The following WDR19 variants were observed in gnomAD, a reference collection of about 807,000 sequenced individuals.
The protein encoded by WDR19 is WD repeat domain 19, also known as WD repeat-containing protein 19.
Under a neutral mutation model 180.0 loss-of-function variants are expected in WDR19, and 121 were observed. The observed-to-expected ratio is 0.67, with a 90% CI of 0.58 to 0.78. The LOEUF (loss-of-function observed/expected upper bound fraction) is 0.78. Ranked by LOEUF, WDR19 falls within the 30% of genes least tolerant of loss-of-function variation. WDR19 has a pLI of 0.00. For missense variants in WDR19, 1,450 were observed against 1,640.7 expected (o/e 0.88, Z 2.01); for synonymous variants, 497 against 540.7 (o/e 0.92, Z 1.12).
chr4:39,216,824 A>C (rs1729119021), intron 12 of WDR19, among the ~76,000 whole-genome samples: 2 of 152,198 alleles, frequency 1.3e-5, no homozygotes, highest in African/African-American at 4.8e-5. Context: ...CCTGTTAAAC[A>C]GGAAATACCA....
chr4:39,211,925 CAGACAGAGAGAGAGAGAGAGAGAGAGAG>C (rs1728553608), intron 9 of WDR19, among the ~76,000 whole-genome samples: 1 of 117,086 alleles, frequency 8.5e-6, no homozygotes, highest in Non-Finnish European at 1.7e-5. Flanking sequence ...CTAATATAGA[CAGACAGAGAGAGAGAGAGAGAGAGAGAG>C]AGAGAGAGAG....
At chr4:39,245,667 A>T (rs1258736031) in intron 24 of WDR19, among the ~76,000 whole-genome samples, 1 of 152,178 alleles carries the variant, frequency 6.6e-6, no homozygotes, top group East Asian at 1.9e-4. Context: ...ATAGACTATT[A>T]TCTCTTTTTA....
intron 21 of WDR19, 131 bp downstream of exon 21, chr4:39,240,465 C>A: frequency 2.4e-6 from 1 of 411,902 alleles, no homozygotes; most frequent in South Asian, 9.7e-5. Context: ...GGTTTACTAA[C>A]AACCTTGCAA....
intron 14 of WDR19, 56 bp downstream of exon 14, chr4:39,218,161 G>A: frequency 6.4e-7 from 1 of 1,553,970 alleles, no homozygotes; most frequent in Non-Finnish European, 8.7e-7. Context: ...TTTATTTTGT[G>A]ATCTCAGTCA....
intron 24 of WDR19, among the ~76,000 whole-genome samples, chr4:39,248,017 C>T (rs1732720814): frequency 6.6e-6 from 1 of 152,192 alleles, no homozygotes; most frequent in Admixed American, 6.5e-5. Flanking sequence ...CACAAAGATA[C>T]TCCTCGAGAA....
chr4:39,266,397 A>C (rs1448713048), intron 29 of WDR19, among the ~76,000 whole-genome samples: 1 of 152,232 alleles, frequency 6.6e-6, no homozygotes, highest in Admixed American at 6.5e-5. Flanking sequence ...AATCGCAAAA[A>C]AAACTCATAA....
rs1560568002 is a variant in WDR19 at position 39,277,050 on chromosome 4, C to G, written c.3747C>G (p.Ala1249=). 3.1e-6 allele frequency: 5 copies of G among 1,613,844 alleles called. No individual in the cohort carries two copies. Among genetic ancestry groups the G allele is most frequent in the Non-Finnish European group, 4.2e-6 (5 of 1,179,856 alleles). Residue 1249 remains alanine (A), a synonymous_variant, in exon 34 of 37, where the codon GCC becomes GCG. Transcript: ENST00000399820. ...RRPDISEIEE[A]TTPCPFCKFL... is the part of the protein sequence containing the mutation. ...CCGATATATCTGAGATAGAAGAGGC[C>G]ACGACTCCATGTCCATTCTGCAAAT...
chr4:39,249,022 A>T (rs922237267), intron 24 of WDR19, among the ~76,000 whole-genome samples: 10 of 152,194 alleles, frequency 6.6e-5, no homozygotes, highest in Admixed American at 6.5e-4. Context: ...CATCTACAGA[A>T]CTCTCCACCC....
chr4:39,264,019 T>G (rs1488578541), intron 28 of WDR19, among the ~76,000 whole-genome samples: 3 of 152,160 alleles, frequency 2.0e-5, no homozygotes, highest in Non-Finnish European at 4.4e-5. Context: ...TACTTATTGC[T>G]TCTCTGAAAT....
At chr4:39,244,151 C>A in intron 21 of WDR19, 97 bp from the exon 22 acceptor site, 1 of 1,392,340 alleles carries the variant, frequency 7.2e-7, no homozygotes, top group South Asian at 1.8e-5. Flanking sequence ...TAAACCATAA[C>A]CTTTGGACTC....
chr4:39,202,650 C>T (rs1727485121), intron 6 of WDR19, among the ~76,000 whole-genome samples: 1 of 151,744 alleles, frequency 6.6e-6, no homozygotes, highest in South Asian at 2.1e-4. Flanking sequence ...GGGTTCTACC[C>T]TTCAGATACA....
chr4:39,280,665 C>T (rs1198626754), intron 36 of WDR19, among the ~76,000 whole-genome samples: 3 of 151,782 alleles, frequency 2.0e-5, no homozygotes, highest in Non-Finnish European at 4.4e-5. Flanking sequence ...AACCAATCAA[C>T]CATTGTGTAA....
intron 20 of WDR19, among the ~76,000 whole-genome samples, chr4:39,237,129 C>G (rs1307406852): frequency 6.6e-6 from 1 of 152,044 alleles, no homozygotes; most frequent in Non-Finnish European, 1.5e-5. Context: ...AGTCTTTAAA[C>G]AAAGAAAGTA....
chr4:39,282,849 T>G (rs1382104790), intron 36 of WDR19, among the ~76,000 whole-genome samples: 1 of 152,256 alleles, frequency 6.6e-6, no homozygotes, highest in African/African-American at 2.4e-5. Flanking sequence ...TATATTGACC[T>G]TGCATCCTAT....
At chr4:39,272,440 T>C in intron 31 of WDR19, among the ~76,000 whole-genome samples, 1 of 152,182 alleles carries the variant, frequency 6.6e-6, no homozygotes, top group Admixed American at 6.5e-5. Flanking sequence ...TTTGGCCTCC[T>C]TGTCTCACCC....
Position 39,261,977 on chromosome 4 carries a change from A to G in WDR19, c.3184-4086A>G, listed in dbSNP as rs569709896. Among the ~76,000 whole-genome samples the G allele has an allele frequency of 2.8e-4, 43 of 152,202 alleles. 1 individual carries two copies. Among genetic ancestry groups the G allele is most frequent in the African/African-American group, 9.9e-4 (41 of 41,506 alleles). On this transcript the variant is annotated intron_variant, in intron 28 of 36. Transcript: ENST00000399820. ...GCAGCTGCAAGTCATTTTATTCTCA[A>G]GCTGCAAAACCTATAGTGGCTCCCC...
intron 9 of WDR19, among the ~76,000 whole-genome samples, chr4:39,206,812 T>C (rs544007043): frequency 6.6e-6 from 1 of 152,260 alleles, no homozygotes; most frequent in South Asian, 2.1e-4. Flanking sequence ...GCGTTGAAAA[T>C]AGAACTGACA....
At chr4:39,263,318 G>C (rs1734481201) in intron 28 of WDR19, among the ~76,000 whole-genome samples, 1 of 152,110 alleles carries the variant, frequency 6.6e-6, no homozygotes, top group Non-Finnish European at 1.5e-5. Flanking sequence ...TCTCGTCTCA[G>C]TCTTCACCCT....
intron 28 of WDR19, among the ~76,000 whole-genome samples, chr4:39,265,115 C>T (rs963021726): frequency 3.3e-5 from 5 of 151,732 alleles, no homozygotes; most frequent in Non-Finnish European, 7.4e-5. Context: ...GATAGGATCT[C>T]GTCATGTTGG....
Sources: allele counts gnomAD v4.1 joint callset (sites outside exome capture counted in the v4.1 genomes callset), GRCh38; gene constraint gnomAD v4.1.1; transcripts MANE v1.5; gene names NCBI Gene and HGNC (gene_info 2026-07-23, HGNC 2026-07-21).